The following NCKAP5 variants were observed in gnomAD, a reference collection of about 807,000 sequenced individuals.
The protein encoded by NCKAP5 is nck-associated protein 5.
In NCKAP5, 92 loss-of-function variants were observed where a neutral mutation model predicts 167.0. The observed-to-expected ratio is 0.55, with a 90% confidence interval of 0.47 to 0.66. The LOEUF is 0.66. NCKAP5 is among the 30% of genes least tolerant of loss of function. The pLI, the probability that NCKAP5 is intolerant of heterozygous loss-of-function variation, is 0.00. For synonymous variants in NCKAP5, 891 were observed against 877.4 expected (o/e 1.02, Z -0.27); for missense variants, 2,378 against 2,315.0 (o/e 1.03, Z -0.56).
chr2:132,837,740 C>T (rs1392135509), intron 11 of NCKAP5, among the ~76,000 whole-genome samples: 1 of 152,156 alleles, frequency 6.6e-6, no homozygotes, highest in Non-Finnish European at 1.5e-5. Context: ...TTTCAAAAAA[C>T]TGATGATTAG....
chr2:132,735,108 G>A (rs1313720245), intron 16 of NCKAP5, among the ~76,000 whole-genome samples: 2 of 152,204 alleles, frequency 1.3e-5, no homozygotes, highest in African/African-American at 4.8e-5. Context: ...ATATAGTTCT[G>A]AGAATCCCAA....
chr2:132,834,625 G>A (rs1315079520), intron 11 of NCKAP5, among the ~76,000 whole-genome samples: 3 of 152,100 alleles, frequency 2.0e-5, no homozygotes, highest in African/African-American at 7.2e-5. Context: ...GATTACAGGC[G>A]TGAGCCACCG....
chr2:133,516,575 G>C (rs1391824523), intron 3 of NCKAP5, among the ~76,000 whole-genome samples: 1 of 152,154 alleles, frequency 6.6e-6, no homozygotes, highest in African/African-American at 2.4e-5. Context: ...TAACTAATCT[G>C]TCCGTGACAG....
intron 7 of NCKAP5, among the ~76,000 whole-genome samples, chr2:132,972,507 T>A (rs143566777): frequency 3.4e-3 from 523 of 151,870 alleles, no homozygotes; most frequent in Non-Finnish European, 5.5e-3. Flanking sequence ...AGGTGGATCA[T>A]GAGGTTAAGA....
At chr2:133,070,871 C>T (rs1284070639) in intron 6 of NCKAP5, among the ~76,000 whole-genome samples, 1 of 152,102 alleles carries the variant, frequency 6.6e-6, no homozygotes, top group African/African-American at 2.4e-5. Flanking sequence ...TAACATTTTA[C>T]ATATATATCT....
At chr2:133,625,153 ATGT>A in the NCKAP5 span, among the ~76,000 whole-genome samples, 1 of 152,214 alleles carries the variant, frequency 6.6e-6, no homozygotes. Context: ...AAAACAAATT[ATGT>A]TGTTGTCATT....
At chr2:133,657,209 C>T in the NCKAP5 span, among the ~76,000 whole-genome samples, 2 of 152,184 alleles carry the variant, frequency 1.3e-5, no homozygotes, top group Non-Finnish European at 2.9e-5. Flanking sequence ...CACGAAACAC[C>T]TCATTGTGTG....
chr2:133,058,533 C>T (rs2079879912), intron 6 of NCKAP5, among the ~76,000 whole-genome samples: 2 of 152,260 alleles, frequency 1.3e-5, no homozygotes, highest in South Asian at 4.1e-4. Context: ...TAAGTAACTA[C>T]AGATGCGGTG....
At chr2:133,065,207 C>T (rs1365396893) in intron 6 of NCKAP5, among the ~76,000 whole-genome samples, 1 of 152,162 alleles carries the variant, frequency 6.6e-6, no homozygotes, top group Non-Finnish European at 1.5e-5. Context: ...ATAAGGAATA[C>T]TTCCACATTA....
At chr2:133,344,534 C>G (rs1417183342) in intron 3 of NCKAP5, among the ~76,000 whole-genome samples, 2 of 151,938 alleles carry the variant, frequency 1.3e-5, no homozygotes, top group Non-Finnish European at 2.9e-5. Context: ...GTACTCTCTG[C>G]AAAAGGGAAA....
chr2:133,510,531 C>A (rs1017483100), intron 3 of NCKAP5, among the ~76,000 whole-genome samples: 1 of 152,220 alleles, frequency 6.6e-6, no homozygotes, highest in African/African-American at 2.4e-5. Context: ...TAAGTCTCCC[C>A]TTCCCACCTC....
intron 5 of NCKAP5, among the ~76,000 whole-genome samples, chr2:133,194,042 A>G (rs1238071180): frequency 6.6e-6 from 1 of 152,180 alleles, no homozygotes; most frequent in African/African-American, 2.4e-5. Flanking sequence ...TGATATGCAT[A>G]AGTGCATATG....
At chr2:133,501,932 A>C (rs1054330146) in intron 3 of NCKAP5, among the ~76,000 whole-genome samples, 13 of 152,366 alleles carry the variant, frequency 8.5e-5, no homozygotes, top group African/African-American at 2.9e-4. Flanking sequence ...ATCATGTGAC[A>C]AGGACACTAA....
chr2:133,582,048 T>C, the NCKAP5 span, among the ~76,000 whole-genome samples: 2 of 152,192 alleles, frequency 1.3e-5, no homozygotes, highest in African/African-American at 2.4e-5. Flanking sequence ...TGGTGAAGCT[T>C]AGTGTTGCAG....
intron 3 of NCKAP5, among the ~76,000 whole-genome samples, chr2:133,474,154 A>ATCTG (rs369130877): frequency 7.4e-6 from 1 of 135,286 alleles, no homozygotes; most frequent in South Asian, 2.1e-4. Context: ...CTATCTATCT[A>ATCTG]TACACACACA....
At chr2:133,368,267 AT>A (rs962665398) in intron 3 of NCKAP5, among the ~76,000 whole-genome samples, 2 of 152,126 alleles carry the variant, frequency 1.3e-5, no homozygotes, top group African/African-American at 4.8e-5. Flanking sequence ...GCCAAAAACT[AT>A]TTTTTTCTAT....
chr2:133,267,897 A>G (rs921294848), intron 4 of NCKAP5, among the ~76,000 whole-genome samples: 59 of 152,216 alleles, frequency 3.9e-4, no homozygotes, highest in African/African-American at 1.3e-3. Context: ...CAAGTATAAT[A>G]TAAATGGCAG....
intron 5 of NCKAP5, among the ~76,000 whole-genome samples, chr2:133,188,897 A>T (rs1222363685): frequency 6.6e-6 from 1 of 152,180 alleles, no homozygotes; most frequent in Non-Finnish European, 1.5e-5. Flanking sequence ...GAGCAAACAC[A>T]TTCAAAAGCT....
intron 8 of NCKAP5, among the ~76,000 whole-genome samples, chr2:132,898,210 A>C (rs1416302697): frequency 6.6e-6 from 1 of 152,246 alleles, no homozygotes; most frequent in Non-Finnish European, 1.5e-5. Flanking sequence ...ATCTCAAGAA[A>C]TGACTTTCTT....
Sources: allele counts gnomAD v4.1 joint callset (sites outside exome capture counted in the v4.1 genomes callset), GRCh38; gene constraint gnomAD v4.1.1; transcripts MANE v1.5; gene names NCBI Gene and HGNC (gene_info 2026-07-23, HGNC 2026-07-21).